GIPC2: variants seen among roughly 807,000 people sequenced by gnomAD.
The protein encoded by GIPC2 is PDZ domain-containing protein GIPC2.
Under a neutral mutation model 30.6 loss-of-function variants are expected in GIPC2, and 30 were observed. The observed-to-expected ratio is 0.98, with a 90% CI of 0.73 to 1.33. The LOEUF (loss-of-function observed/expected upper bound fraction) is 1.33, where lower values mean the gene tolerates loss of function less well. Ranked by LOEUF, GIPC2 falls within the 40% of genes most tolerant of loss-of-function variation. The probability of loss-of-function intolerance (pLI) is 0.00; values close to 1 mark genes in which losing one functional copy is unlikely to be tolerated. For synonymous variants in GIPC2, 167 were observed against 150.0 expected, an observed-to-expected ratio of 1.11 and a Z score of -0.83; for missense variants, 414 against 390.3, an observed-to-expected ratio of 1.06 and a Z score of -0.51.
At chr1:78,085,897 G>GTT (rs35412467) in intron 2 of GIPC2, among the ~76,000 whole-genome samples, 2,137 of 120,248 alleles carry the variant, frequency 0.018, 54 homozygotes, top group South Asian at 0.035. Context: ...TCTTTTGAAT[G>GTT]TTTTTTTTTT....
At chr1:78,059,523 A>C (rs1401672497) in intron 1 of GIPC2, among the ~76,000 whole-genome samples, 1 of 152,218 alleles carries the variant, frequency 6.6e-6, no homozygotes, top group Non-Finnish European at 1.5e-5. Context: ...TCAGCGGATC[A>C]CTTGAGTTCA....
intron 1 of GIPC2, among the ~76,000 whole-genome samples, chr1:78,052,161 G>A (rs562621022): frequency 2.0e-5 from 3 of 152,228 alleles, no homozygotes; most frequent in African/African-American, 7.2e-5. Context: ...CCTACAGAAT[G>A]CCCTTCCTTA....
At chr1:78,113,589 A>G (rs760951538) in intron 3 of GIPC2, among the ~76,000 whole-genome samples, 2 of 152,176 alleles carry the variant, frequency 1.3e-5, no homozygotes, top group East Asian at 1.9e-4. Context: ...GAGTTTCACC[A>G]TATTGCCTAG....
At chr1:78,132,083 G>C (rs188133504) in intron 5 of GIPC2, among the ~76,000 whole-genome samples, 1 of 152,196 alleles carries the variant, frequency 6.6e-6, no homozygotes, top group Non-Finnish European at 1.5e-5. Context: ...AATTCACAGG[G>C]AGCATGAGTC....
intron 5 of GIPC2, among the ~76,000 whole-genome samples, chr1:78,129,446 G>A (rs1201424229): frequency 2.0e-5 from 3 of 152,076 alleles, no homozygotes. Flanking sequence ...TTCTGTATTT[G>A]TTAACGTAAG....
chr1:78,060,500 G>A (rs1205201934), intron 1 of GIPC2, among the ~76,000 whole-genome samples: 1 of 152,046 alleles, frequency 6.6e-6, no homozygotes, highest in Non-Finnish European at 1.5e-5. Context: ...TACCTCTCAA[G>A]TCCTCCTCTT....
rs188008480 is a variant in GIPC2, at chr1:78,069,821, A to T, written c.241-10854A>T. Among the ~76,000 whole-genome samples the T allele has an allele frequency of 2.7e-4, 41 of 152,232 alleles. No individual in the cohort carries two copies. The East Asian group carries it at 7.5e-3, about 28-fold the overall frequency. ...ACTTTTAGGTGTTTTAGTTTAGAAG[A>T]AACATCTTTCTCTCTCAAGATGTTT... On this transcript the variant is annotated intron_variant, in intron 1 of 5. Coordinates refer to ENST00000370759, the MANE Select transcript of GIPC2 (RefSeq NM_017655.6).
At chr1:78,085,897 G>GTTTTTTTTT (rs35412467) in intron 2 of GIPC2, among the ~76,000 whole-genome samples, 2 of 120,306 alleles carry the variant, frequency 1.7e-5, no homozygotes, top group Non-Finnish European at 3.4e-5. Context: ...TCTTTTGAAT[G>GTTTTTTTTT]TTTTTTTTTT....
At chr1:78,104,230 T>C (rs1354260810) in intron 3 of GIPC2, among the ~76,000 whole-genome samples, 1 of 152,090 alleles carries the variant, frequency 6.6e-6, no homozygotes, top group Non-Finnish European at 1.5e-5. Context: ...TAGGCATTTC[T>C]TACATTCAGA....
intron 4 of GIPC2, among the ~76,000 whole-genome samples, chr1:78,119,792 C>G (rs1371224762): frequency 6.6e-6 from 1 of 152,096 alleles, no homozygotes; most frequent in Admixed American, 6.5e-5. Flanking sequence ...GTTTCAGAGC[C>G]ACCTGTAGGA....
intron 1 of GIPC2, among the ~76,000 whole-genome samples, chr1:78,060,201 C>T (rs1284337399): frequency 6.6e-6 from 1 of 151,230 alleles, no homozygotes; most frequent in Non-Finnish European, 1.5e-5. Flanking sequence ...TTTTTGAGAC[C>T]CACAGTGATC....
intron 3 of GIPC2, among the ~76,000 whole-genome samples, chr1:78,111,545 C>T (rs929775790): frequency 2.0e-5 from 3 of 152,190 alleles, no homozygotes; most frequent in African/African-American, 4.8e-5. Flanking sequence ...CAAGTGACAG[C>T]TTTCTGAACA....
intron 3 of GIPC2, among the ~76,000 whole-genome samples, chr1:78,109,585 A>G (rs1662423679): frequency 6.6e-6 from 1 of 152,216 alleles, no homozygotes; most frequent in Admixed American, 6.5e-5. Context: ...CTATCTCATA[A>G]TAGTTTTATG....
Position 78,105,373 on chromosome 1 carries a change from G to T in GIPC2, c.607+10241G>T, listed in dbSNP as rs180732865. On this transcript the variant is annotated intron_variant, in intron 3 of 5. Coordinates refer to ENST00000370759, the MANE Select transcript of GIPC2 (RefSeq NM_017655.6). ...GCGATCTCAGCTCACTGCAACCTCC[G>T]CCTCCTGGGTTCAAGCCATTCTCCT... is the stretch of plus-strand genomic sequence containing the variant. Among the ~76,000 whole-genome samples the T allele has an allele frequency of 7.5e-3, 1,122 of 149,954 alleles. 8 individuals carry two copies. Among genetic ancestry groups the T allele is most frequent in the Non-Finnish European group, 0.011 (767 of 67,726 alleles).
chr1:78,047,132 A>T (rs1000666039), intron 1 of GIPC2, among the ~76,000 whole-genome samples: 3 of 152,240 alleles, frequency 2.0e-5, no homozygotes, highest in Admixed American at 2.0e-4. Flanking sequence ...GGCATGACCT[A>T]AAGCACTAGT....
intron 3 of GIPC2, among the ~76,000 whole-genome samples, chr1:78,099,776 T>C (rs950128376): frequency 1.3e-5 from 2 of 152,068 alleles, no homozygotes; most frequent in Non-Finnish European, 2.9e-5. Flanking sequence ...GAGTTGAGTC[T>C]GAAGGTATGA....
intron 1 of GIPC2, among the ~76,000 whole-genome samples, chr1:78,075,268 C>T (rs994196827): frequency 6.6e-6 from 1 of 152,136 alleles, no homozygotes; most frequent in Admixed American, 6.5e-5. Context: ...CTAGCCTGGG[C>T]AACATGGTGA....
intron 1 of GIPC2, among the ~76,000 whole-genome samples, chr1:78,070,073 C>T (rs372794782): frequency 2.6e-5 from 4 of 152,064 alleles, no homozygotes; most frequent in African/African-American, 4.8e-5. Context: ...AATTCAGCCT[C>T]GTGGGCCAAA....
rs1571472376 is a variant in GIPC2, at chr1:78,053,784, A to G, written c.240+7450A>G. Among the ~76,000 whole-genome samples the G allele has an allele frequency of 2.2e-5, 3 of 139,310 alleles. 1 individual carries two copies. The East Asian group carries it at 6.0e-4, about 28-fold the overall frequency. The allele number at this position is 139,310 out of a possible 152,430, so 91.4% of individuals were successfully genotyped here. ...AAAAAAAGCCAAAAAAAAAAAAATT[A>G]GCCAGAGGTGGTGGTACGTACCTGT... On this transcript the variant is annotated intron_variant, in intron 1 of 5. Transcript: ENST00000370759.
Sources: allele counts gnomAD v4.1 joint callset (sites outside exome capture counted in the v4.1 genomes callset), GRCh38; gene constraint gnomAD v4.1.1; transcripts MANE v1.5; gene names NCBI Gene and HGNC (gene_info 2026-07-23, HGNC 2026-07-21).